SHQ1: variants seen among roughly 807,000 people sequenced by gnomAD.
SHQ1 encodes protein SHQ1 homolog.
SHQ1 carries 49 observed loss-of-function variants against 53.8 expected under a neutral mutation model. That is an observed-to-expected ratio of 0.91 (90% CI 0.72 to 1.16). The LOEUF (loss-of-function observed/expected upper bound fraction) is 1.16, where lower values mean the gene tolerates loss of function less well. SHQ1 is among the 50% of genes most tolerant of loss of function. The probability of loss-of-function intolerance (pLI) is 0.00; values close to 1 mark genes in which losing one functional copy is unlikely to be tolerated. For missense variants in SHQ1, 738 were observed against 683.1 expected, an observed-to-expected ratio of 1.08 and a Z score of -0.90; for synonymous variants, 243 against 251.0, an observed-to-expected ratio of 0.97 and a Z score of 0.30.
chr3:72,795,946 T>C (rs1706599971), intron 9 of SHQ1, among the ~76,000 whole-genome samples: 1 of 150,864 alleles, frequency 6.6e-6, no homozygotes, highest in African/African-American at 2.4e-5. Context: ...CTACTAAAAA[T>C]ACAAAAATGA....
intron 4 of SHQ1, among the ~76,000 whole-genome samples, chr3:72,833,914 T>C (rs1707914180): frequency 6.6e-6 from 1 of 152,216 alleles, no homozygotes; most frequent in Non-Finnish European, 1.5e-5. Flanking sequence ...GCTTAAAGAA[T>C]ATTAGCTGAA....
chr3:72,788,594 T>C (rs971578514), intron 10 of SHQ1, among the ~76,000 whole-genome samples: 2 of 152,150 alleles, frequency 1.3e-5, no homozygotes, highest in South Asian at 4.1e-4. Context: ...AATAGCTCAT[T>C]GAGAACAGGC....
intron 9 of SHQ1, among the ~76,000 whole-genome samples, chr3:72,803,300 A>G (rs888266442): frequency 3.9e-5 from 6 of 152,214 alleles, no homozygotes; most frequent in African/African-American, 1.4e-4. Context: ...ACACAGCAAC[A>G]GTAGGCTACA....
At chr3:72,796,313 T>C (rs572157671) in intron 9 of SHQ1, among the ~76,000 whole-genome samples, 4 of 151,960 alleles carry the variant, frequency 2.6e-5, no homozygotes, top group South Asian at 4.1e-4. Flanking sequence ...GCAGTAGGAA[T>C]AAAGGACCCT....
chr3:72,835,813 G>A lies in SHQ1; in HGVS notation c.487-3332C>T, dbSNP rs144243631. ...TACCCTTCTCATCATTGAGAACTCAGTGCAAATGTCACTTTCTCAAAGGAG... is the reference window on the plus strand; with the variant it reads ...TACCCTTCTCATCATTGAGAACTCAATGCAAATGTCACTTTCTCAAAGGAG... On this transcript the variant is annotated intron_variant, in intron 4 of 10. Coordinates refer to ENST00000325599, the MANE Select transcript of SHQ1 (RefSeq NM_018130.3). Among the ~76,000 whole-genome samples, 473 of 152,292 alleles carry A rather than the reference G, an allele frequency of 3.1e-3. 6 individuals are homozygous for A. Among genetic ancestry groups the A allele is most frequent in the African/African-American group, 0.011 (445 of 41,564 alleles).
At chr3:72,730,144 G>T in the SHQ1 span, among the ~76,000 whole-genome samples, 4 of 151,850 alleles carry the variant, frequency 2.6e-5, no homozygotes, top group African/African-American at 4.8e-5. Flanking sequence ...TAGAGACAGG[G>T]TCTCACTGTT....
chr3:72,796,693 G>A (rs966484021), intron 9 of SHQ1, among the ~76,000 whole-genome samples: 3 of 151,608 alleles, frequency 2.0e-5, no homozygotes, highest in African/African-American at 7.3e-5. Context: ...GGTGGCATAC[G>A]TCTGTAATCC....
chr3:72,795,373 C>A (rs907289894), intron 9 of SHQ1: 1 of 152,062 alleles, frequency 6.6e-6, no homozygotes, highest in East Asian at 1.9e-4. Flanking sequence ...CACCCCAGCA[C>A]AAGCCTATTT....
Position 72,750,785 on chromosome 3 carries a change from T to C in SHQ1, c.1233A>G (p.Thr411=). The part of the protein sequence containing the change: ...LAEALKEVSL[T]KAQLGLELEE... ...CCAGTTCTAACCCCAGCTGGGCCTT[T>C]GTAAGGGAGACTTCCTTTAAGGCTT... The change falls in exon 11 of 11, where the codon ACA becomes ACG. Residue 411 remains threonine, a synonymous_variant. Transcript: ENST00000325599. The C allele has an allele frequency of 6.5e-7, 1 of 1,549,748 alleles. No individual in the cohort carries two copies. Among genetic ancestry groups the C allele is most frequent in the East Asian group, 2.4e-5 (1 of 40,908 alleles).
At chr3:72,805,467 T>A (rs1706911486) in intron 9 of SHQ1, among the ~76,000 whole-genome samples, 1 of 152,148 alleles carries the variant, frequency 6.6e-6, no homozygotes, top group Non-Finnish European at 1.5e-5. Context: ...AGAAAGTTAC[T>A]TCCATAAAAA....
chr3:72,753,849 T>C (rs1705442492), intron 10 of SHQ1, among the ~76,000 whole-genome samples: 1 of 152,150 alleles, frequency 6.6e-6, no homozygotes, highest in African/African-American at 2.4e-5. Context: ...ATGTCCACCA[T>C]ATATTTTGAA....
At chr3:72,765,854 A>T (rs920078100) in intron 10 of SHQ1, among the ~76,000 whole-genome samples, 1 of 152,128 alleles carries the variant, frequency 6.6e-6, no homozygotes, top group African/African-American at 2.4e-5. Context: ...TGCCTGGCCA[A>T]ATAAATACTT....
At chr3:72,777,018 C>A (rs1705971344) in intron 10 of SHQ1, among the ~76,000 whole-genome samples, 1 of 152,128 alleles carries the variant, frequency 6.6e-6, no homozygotes, top group Non-Finnish European at 1.5e-5. Context: ...AAAAAAGAAA[C>A]TGGATCCCCT....
chr3:72,743,454 T>C, the SHQ1 span, among the ~76,000 whole-genome samples: 11 of 152,082 alleles, frequency 7.2e-5, no homozygotes, highest in African/African-American at 2.7e-4. Context: ...TATGTGCCAA[T>C]TAGGCCAGGA....
At chr3:72,771,568 C>T (rs1035250310) in intron 10 of SHQ1, among the ~76,000 whole-genome samples, 6 of 152,172 alleles carry the variant, frequency 3.9e-5, no homozygotes, top group African/African-American at 1.4e-4. Context: ...AAAGCAATTG[C>T]TTCTCTCTGG....
chr3:72,773,263 C>T (rs1485248014), intron 10 of SHQ1: 2 of 652,290 alleles, frequency 3.1e-6, no homozygotes, highest in Admixed American at 2.0e-5. Context: ...GAGAAAGAGA[C>T]AAGAAAGAGA....
At chr3:72,741,563 C>T in the SHQ1 span, among the ~76,000 whole-genome samples, 5 of 150,930 alleles carry the variant, frequency 3.3e-5, no homozygotes, top group Non-Finnish European at 5.9e-5. Context: ...TCTAGCCTGG[C>T]AACAGAGTGA....
At chr3:72,755,970 C>A (rs1705489978) in intron 10 of SHQ1, among the ~76,000 whole-genome samples, 1 of 152,234 alleles carries the variant, frequency 6.6e-6, no homozygotes, top group African/African-American at 2.4e-5. Context: ...GCAATCAGCG[C>A]TCCCTGTAGC....
At chr3:72,844,722 C>A (rs968865363) in intron 1 of SHQ1, among the ~76,000 whole-genome samples, 6 of 152,026 alleles carry the variant, frequency 3.9e-5, no homozygotes, top group Admixed American at 6.6e-5. Context: ...GTTGAGTATC[C>A]CTAATCTGAA....
Sources: allele counts gnomAD v4.1 joint callset (sites outside exome capture counted in the v4.1 genomes callset), GRCh38; gene constraint gnomAD v4.1.1; transcripts MANE v1.5; gene names NCBI Gene and HGNC (gene_info 2026-07-23, HGNC 2026-07-21).